The following MDGA2 variants were observed in gnomAD, a reference collection of about 807,000 sequenced individuals.
MDGA2 encodes MAM domain-containing glycosylphosphatidylinositol anchor protein 2.
In MDGA2, 40 loss-of-function variants were observed where a neutral mutation model predicts 117.8. That is an observed-to-expected ratio of 0.34 (90% CI 0.26 to 0.44). The LOEUF (loss-of-function observed/expected upper bound fraction) is 0.44, where lower values mean the gene tolerates loss of function less well. Among genes scored for constraint, MDGA2 ranks in the 20% least tolerant of loss-of-function variants. The pLI is 1.00. For synonymous variants in MDGA2, 452 were observed against 439.0 expected, an observed-to-expected ratio of 1.03 and a Z score of -0.37; for missense variants, 1,123 against 1,250.6, an observed-to-expected ratio of 0.90 and a Z score of 1.54.
chr14:47,033,844 C>T (rs1888746887), intron 8 of MDGA2, among the ~76,000 whole-genome samples: 1 of 152,212 alleles, frequency 6.6e-6, no homozygotes, highest in Non-Finnish European at 1.5e-5. Context: ...TCACCCCACA[C>T]TCACATATCT....
chr14:47,102,769 T>C (rs1451253861), intron 5 of MDGA2, among the ~76,000 whole-genome samples: 2 of 152,186 alleles, frequency 1.3e-5, no homozygotes, highest in Non-Finnish European at 2.9e-5. Flanking sequence ...CTCTGGGCCT[T>C]AACTTTCCCA....
intron 9 of MDGA2, among the ~76,000 whole-genome samples, chr14:46,946,672 C>G (rs149809820): frequency 2.0e-5 from 3 of 152,158 alleles, no homozygotes; most frequent in Non-Finnish European, 4.4e-5. Flanking sequence ...AAGACAGTCT[C>G]TGAGAGATGA....
chr14:47,225,745 T>C (rs1886469704), intron 2 of MDGA2, among the ~76,000 whole-genome samples: 1 of 151,968 alleles, frequency 6.6e-6, no homozygotes, highest in African/African-American at 2.4e-5. Flanking sequence ...CGCACCAGCA[T>C]GGCACATGTA....
intron 6 of MDGA2, among the ~76,000 whole-genome samples, chr14:47,084,500 A>T (rs1477408133): frequency 1.9e-4 from 8 of 42,630 alleles, no homozygotes; most frequent in Admixed American, 9.8e-4. Flanking sequence ...GCAAAAATTA[A>T]AAAAAAAAAA....
chr14:46,860,457 T>A (rs1323419514), intron 14 of MDGA2, among the ~76,000 whole-genome samples: 5 of 151,986 alleles, frequency 3.3e-5, no homozygotes, highest in African/African-American at 1.2e-4. Flanking sequence ...GCTGAATCAA[T>A]TTGCTAGTAT....
rs368522895 is a variant in MDGA2, at chr14:47,151,434, T to G, written c.596-7160A>C. Among the ~76,000 whole-genome samples the G allele has an allele frequency of 1.3e-4, 20 of 152,336 alleles. No homozygotes were observed. The East Asian group carries it at 1.9e-3, about 15-fold the overall frequency. On this transcript the variant is annotated intron_variant, in intron 3 of 16. Coordinates refer to ENST00000399232, the MANE Select transcript of MDGA2 (RefSeq NM_001113498.3). The stretch of plus-strand genomic sequence containing the variant: ...GCTACAGAGTTTTATGATAAGGACT[T>G]GAAGTTACTATTCATAATTTTCTCT...
intron 1 of MDGA2, among the ~76,000 whole-genome samples, chr14:47,346,391 A>T (rs372797143): frequency 6.6e-6 from 1 of 152,180 alleles, no homozygotes; most frequent in Non-Finnish European, 1.5e-5. Flanking sequence ...CTGATTAAAA[A>T]ATATGCAAAT....
At chr14:47,607,380 C>G (rs1193057108) in intron 1 of MDGA2, among the ~76,000 whole-genome samples, 2 of 152,070 alleles carry the variant, frequency 1.3e-5, no homozygotes, top group African/African-American at 4.8e-5. Context: ...TATTTTTCAC[C>G]TTTCTTGAAT....
chr14:47,138,199 CT>C (rs745662148), intron 4 of MDGA2, among the ~76,000 whole-genome samples: 1 of 152,044 alleles, frequency 6.6e-6, no homozygotes, highest in Non-Finnish European at 1.5e-5. Context: ...TTTATAACTA[CT>C]TTAACATTAA....
At chr14:47,398,904 T>C (rs1293108004) in intron 1 of MDGA2, among the ~76,000 whole-genome samples, 1 of 152,182 alleles carries the variant, frequency 6.6e-6, no homozygotes, top group Non-Finnish European at 1.5e-5. Flanking sequence ...ACATTTCAAA[T>C]TGCCTGAGGA....
intron 7 of MDGA2, among the ~76,000 whole-genome samples, chr14:47,052,559 T>G (rs1889495621): frequency 6.6e-6 from 1 of 151,938 alleles, no homozygotes; most frequent in African/African-American, 2.4e-5. Flanking sequence ...GTTTAATGTT[T>G]ACTGAACAAT....
Position 47,032,293 on chromosome 14 carries a change from A to T in MDGA2, c.1819+2718T>A, listed in dbSNP as rs547174376. ...GCAAAAAATAAATTATTTTCAAATT[A>T]AAAAAAAATCAGGATGAACATGGTG... On this transcript the variant is annotated intron_variant, in intron 8 of 16. Coordinates refer to ENST00000399232, the MANE Select transcript of MDGA2 (RefSeq NM_001113498.3). Among the ~76,000 whole-genome samples, 6 of 151,836 alleles carry T rather than the reference A, an allele frequency of 4.0e-5. No individual in the cohort carries two copies. In the South Asian group the frequency reaches 1.0e-3, roughly 26 times the overall value.
chr14:47,374,957 A>AT (rs1891443834), intron 1 of MDGA2, among the ~76,000 whole-genome samples: 1 of 151,900 alleles, frequency 6.6e-6, no homozygotes, highest in Non-Finnish European at 1.5e-5. Flanking sequence ...TATTTCAAAG[A>AT]TTTTTTTCAG....
At chr14:47,630,535 C>A (rs1897236546) in intron 1 of MDGA2, among the ~76,000 whole-genome samples, 1 of 152,142 alleles carries the variant, frequency 6.6e-6, no homozygotes, top group Admixed American at 6.5e-5. Context: ...TTTGTGCTTA[C>A]AGAATTATCC....
chr14:46,994,857 T>C (rs1398090406), intron 8 of MDGA2, among the ~76,000 whole-genome samples: 1 of 152,158 alleles, frequency 6.6e-6, no homozygotes, highest in Non-Finnish European at 1.5e-5. Context: ...TATAATTCCT[T>C]ATACTGTGTT....
intron 3 of MDGA2, among the ~76,000 whole-genome samples, chr14:47,145,936 A>G (rs1022176547): frequency 2.0e-5 from 3 of 152,102 alleles, no homozygotes; most frequent in Non-Finnish European, 4.4e-5. Flanking sequence ...CTTATTATAA[A>G]TAGGTAAAAT....
At chr14:47,641,344 A>G (rs978378771) in intron 1 of MDGA2, among the ~76,000 whole-genome samples, 2 of 151,978 alleles carry the variant, frequency 1.3e-5, no homozygotes, top group Non-Finnish European at 1.5e-5. Context: ...TACATTGTCA[A>G]CTCTGCCCAC....
chr14:47,661,768 T>TTTTG (rs1897852471), intron 1 of MDGA2, among the ~76,000 whole-genome samples: 1 of 148,288 alleles, frequency 6.7e-6, no homozygotes, highest in Non-Finnish European at 1.5e-5. Flanking sequence ...TTTTTTTTTT[T>TTTTG]GAGACAGAGT....
intron 1 of MDGA2, among the ~76,000 whole-genome samples, chr14:47,383,732 C>G (rs1891689132): frequency 1.3e-5 from 2 of 152,128 alleles, no homozygotes; most frequent in African/African-American, 2.4e-5. Flanking sequence ...ACAATGTTGG[C>G]CAGGCTGGTC....
Sources: gnomAD v4.1 joint callset for allele counts (sites outside exome capture counted in the v4.1 genomes callset) on GRCh38, gnomAD v4.1.1 for gene constraint, MANE v1.5 for transcripts, NCBI Gene and HGNC (gene_info 2026-07-23, HGNC 2026-07-21) for gene names.